UNC13C: variants seen among roughly 807,000 people sequenced by gnomAD.
UNC13C encodes unc-13 homolog C, also known as protein unc-13 homolog C.
UNC13C carries 174 observed loss-of-function variants against 245.4 expected under a neutral mutation model. That is an observed-to-expected ratio of 0.71 (90% CI 0.63 to 0.80). UNC13C has a LOEUF of 0.80. Among genes scored for constraint, UNC13C ranks in the 30% least tolerant of loss-of-function variants. The probability of loss-of-function intolerance (pLI) is 0.00; values close to 1 mark genes in which losing one functional copy is unlikely to be tolerated. For missense variants in UNC13C, 2,829 were observed against 2,602.9 expected (o/e 1.09, Z -1.89); for synonymous variants, 992 against 895.1 (o/e 1.11, Z -1.93).
chr15:54,240,896 C>T (rs2035833869), intron 7 of UNC13C, among the ~76,000 whole-genome samples: 3 of 152,150 alleles, frequency 2.0e-5, no homozygotes, highest in Non-Finnish European at 4.4e-5. Context: ...AAAGTATATC[C>T]ATTCGGTAAT....
At chr15:54,244,471 T>C (rs557183618) in intron 7 of UNC13C, among the ~76,000 whole-genome samples, 163 of 152,292 alleles carry the variant, frequency 1.1e-3, no homozygotes, top group Non-Finnish European at 1.9e-3. Context: ...TTTGGTTCCA[T>C]ACAAATTTTT....
At chr15:54,325,841 G>T (rs545814173) in intron 14 of UNC13C, among the ~76,000 whole-genome samples, 10 of 151,998 alleles carry the variant, frequency 6.6e-5, no homozygotes, top group African/African-American at 2.4e-4. Context: ...TTGGGCAAGG[G>T]TAAGAAGGTT....
At chr15:54,043,240 C>G (rs551618565) in intron 2 of UNC13C, among the ~76,000 whole-genome samples, 1 of 152,274 alleles carries the variant, frequency 6.6e-6, no homozygotes, top group East Asian at 1.9e-4. Context: ...CAGCCTTGAG[C>G]AACATGTCAA....
chr15:54,304,031 CT>C (rs2037659087), intron 13 of UNC13C, among the ~76,000 whole-genome samples: 1 of 152,040 alleles, frequency 6.6e-6, no homozygotes, highest in South Asian at 2.1e-4. Context: ...CACTAGACAA[CT>C]GTCTAAGAGC....
intron 2 of UNC13C, among the ~76,000 whole-genome samples, chr15:54,110,983 T>G (rs1199998671): frequency 6.6e-6 from 1 of 152,230 alleles, no homozygotes; most frequent in Non-Finnish European, 1.5e-5. Flanking sequence ...GATCCAAAAG[T>G]TAGCCCCATA....
At chr15:54,366,459 T>C (rs905754009) in intron 17 of UNC13C, among the ~76,000 whole-genome samples, 1 of 152,220 alleles carries the variant, frequency 6.6e-6, no homozygotes, top group South Asian at 2.1e-4. Context: ...TACTGTATTT[T>C]AGTTATGTGC....
intron 19 of UNC13C, among the ~76,000 whole-genome samples, chr15:54,454,972 C>T (rs1185275083): frequency 6.6e-6 from 1 of 151,430 alleles, no homozygotes; most frequent in Non-Finnish European, 1.5e-5. Context: ...ACCACCCTTG[C>T]CCCCAAGTCT....
chr15:54,512,725 C>T (rs906372422), intron 24 of UNC13C, among the ~76,000 whole-genome samples: 1 of 152,054 alleles, frequency 6.6e-6, no homozygotes, highest in Non-Finnish European at 1.5e-5. Flanking sequence ...TGTTCCTTCC[C>T]GTGGGAAAGT....
At chr15:53,938,802 A>T in the UNC13C span, among the ~76,000 whole-genome samples, 1 of 152,204 alleles carries the variant, frequency 6.6e-6, no homozygotes, top group African/African-American at 2.4e-5. Context: ...GTTTGTTTGT[A>T]CTAATGAGAG....
chr15:53,861,174 T>C, the UNC13C span, among the ~76,000 whole-genome samples: 11 of 152,294 alleles, frequency 7.2e-5, no homozygotes, highest in African/African-American at 2.4e-4. Flanking sequence ...TTTATGTCAA[T>C]GACAAGCATT....
intron 16 of UNC13C, among the ~76,000 whole-genome samples, chr15:54,334,744 A>G (rs1232526266): frequency 6.6e-6 from 1 of 152,166 alleles, no homozygotes; most frequent in Non-Finnish European, 1.5e-5. Context: ...TACTGTCAGT[A>G]GCTACTGGAA....
At chr15:54,527,319 G>A (rs895828850) in intron 25 of UNC13C, among the ~76,000 whole-genome samples, 1 of 152,068 alleles carries the variant, frequency 6.6e-6, no homozygotes, top group Non-Finnish European at 1.5e-5. Context: ...ATTAACATGG[G>A]GTTAGCAGAA....
At chr15:54,064,956 G>A (rs1898008002) in intron 2 of UNC13C, among the ~76,000 whole-genome samples, 1 of 152,164 alleles carries the variant, frequency 6.6e-6, no homozygotes, top group African/African-American at 2.4e-5. Flanking sequence ...CACTCTGCAA[G>A]GAATTCTAGC....
chr15:54,330,537 T>C (rs2038411544), intron 14 of UNC13C, among the ~76,000 whole-genome samples: 1 of 152,046 alleles, frequency 6.6e-6, no homozygotes. Flanking sequence ...TCAACTGTCT[T>C]GATGGTTTGT....
intron 2 of UNC13C, among the ~76,000 whole-genome samples, chr15:54,072,538 G>C (rs1898378834): frequency 6.6e-6 from 1 of 152,148 alleles, no homozygotes; most frequent in African/African-American, 2.4e-5. Context: ...ACTATGATAT[G>C]GGTCTTGACT....
chr15:54,251,035 G>C (rs549687888), intron 8 of UNC13C, among the ~76,000 whole-genome samples: 1 of 151,928 alleles, frequency 6.6e-6, no homozygotes, highest in African/African-American at 2.4e-5. Flanking sequence ...GGATTACATA[G>C]GCGTGAGCCA....
Position 54,546,717 on chromosome 15 carries a change from TTC to T in UNC13C, c.5697-4_5697-3del, listed in dbSNP as rs202092123. 61 of 1,467,920 alleles carry T rather than the reference TTC, an allele frequency of 4.2e-5. No homozygotes were observed. The South Asian group carries it at 4.6e-4, about 11-fold the overall frequency. The allele number at this position is 1,467,920 out of a possible 1,614,324, so 90.9% of individuals were successfully genotyped here. Reference sequence around the variant, plus strand: ...AGTGAATATATATATATATTTTTTTTTCAGATTAAGTCTCTCAGCAAAAATCT... The same window carrying T: ...AGTGAATATATATATATATTTTTTTTAGATTAAGTCTCTCAGCAAAAATCT... On this transcript the variant is annotated splice_region_variant and splice_polypyrimidine_tract_variant and intron_variant, in intron 26 of 32. Coordinates refer to ENST00000260323, the MANE Select transcript of UNC13C (RefSeq NM_001080534.3).
At chr15:54,055,323 T>C (rs189415749) in intron 2 of UNC13C, among the ~76,000 whole-genome samples, 146 of 152,326 alleles carry the variant, frequency 9.6e-4, no homozygotes, top group African/African-American at 3.4e-3. Flanking sequence ...ATATCATTAG[T>C]CTTGTCTTCT....
chr15:54,082,977 C>T (rs1899034563), intron 2 of UNC13C, among the ~76,000 whole-genome samples: 1 of 152,046 alleles, frequency 6.6e-6, no homozygotes, highest in Non-Finnish European at 1.5e-5. Context: ...TCAGGGAGCA[C>T]ATCTTGTGTA....
Sources: gnomAD v4.1 joint callset for allele counts (sites outside exome capture counted in the v4.1 genomes callset) on GRCh38, gnomAD v4.1.1 for gene constraint, MANE v1.5 for transcripts, NCBI Gene and HGNC (gene_info 2026-07-23, HGNC 2026-07-21) for gene names.